BLTP3B: variants seen among roughly 807,000 people sequenced by gnomAD.
The protein encoded by BLTP3B is UHRF1 (ICBP90) binding protein 1-like.
the BLTP3B span, among the ~76,000 whole-genome samples, chr12:100,067,098 A>G: frequency 6.6e-6 from 1 of 152,192 alleles, no homozygotes; most frequent in Non-Finnish European, 1.5e-5. Flanking sequence ...TCACTGGGTC[A>G]AAAATGAAAT....
At chr12:100,134,616 C>CA in the BLTP3B span, among the ~76,000 whole-genome samples, 816 of 139,048 alleles carry the variant, frequency 5.9e-3, 5 homozygotes, top group Middle Eastern at 0.026. Flanking sequence ...GACTCTGTCT[C>CA]AAAAAAAAAA....
the BLTP3B span, chr12:100,051,239 T>G: frequency 4.4e-6 from 7 of 1,603,896 alleles, no homozygotes; most frequent in Non-Finnish European, 6.0e-6. Context: ...AACACAAAAG[T>G]AAATTAATAA....
chr12:100,056,464 T>C, the BLTP3B span, among the ~76,000 whole-genome samples: 64 of 152,146 alleles, frequency 4.2e-4, 2 homozygotes, highest in South Asian at 2.1e-4. Flanking sequence ...ACTTATTATA[T>C]ACTTGTTATA....
the BLTP3B span, among the ~76,000 whole-genome samples, chr12:100,109,384 A>C: frequency 6.6e-6 from 1 of 152,186 alleles, no homozygotes. Context: ...TATAGTATTC[A>C]ACAGCACAAC....
chr12:100,112,107 T>C, the BLTP3B span, among the ~76,000 whole-genome samples: 1 of 152,140 alleles, frequency 6.6e-6, no homozygotes, highest in Non-Finnish European at 1.5e-5. Context: ...GTACCACTTT[T>C]ATAAAGACAA....
At chr12:100,133,172 G>A in the BLTP3B span, among the ~76,000 whole-genome samples, 497 of 151,744 alleles carry the variant, frequency 3.3e-3, 2 homozygotes, top group African/African-American at 0.011. Flanking sequence ...AACCCGGGAG[G>A]CGGAGCTTGC....
chr12:100,071,641 T>A, the BLTP3B span, among the ~76,000 whole-genome samples: 4 of 151,976 alleles, frequency 2.6e-5, no homozygotes, highest in South Asian at 6.3e-4. Flanking sequence ...AAATGTACAA[T>A]CATTTTAACG....
At chr12:100,096,091 A>G in the BLTP3B span, among the ~76,000 whole-genome samples, 17 of 152,140 alleles carry the variant, frequency 1.1e-4, no homozygotes, top group African/African-American at 3.9e-4. Context: ...TGTCGCTACT[A>G]AAAATACAAA....
the BLTP3B span, among the ~76,000 whole-genome samples, chr12:100,067,877 A>G: frequency 6.6e-6 from 1 of 151,828 alleles, no homozygotes; most frequent in African/African-American, 2.4e-5. Flanking sequence ...ACACATCCCA[A>G]TGCTCATTGA....
chr12:100,052,897 G>A, the BLTP3B span, among the ~76,000 whole-genome samples: 1 of 149,488 alleles, frequency 6.7e-6, no homozygotes, highest in African/African-American at 2.5e-5. Flanking sequence ...GGGTTCAAGC[G>A]ATTCTCCTGC....
At chr12:100,064,966 C>T in the BLTP3B span, among the ~76,000 whole-genome samples, 53 of 150,152 alleles carry the variant, frequency 3.5e-4, no homozygotes, top group Non-Finnish European at 5.9e-5. Context: ...CGTCTCAATA[C>T]TAACATTGAA....
At chr12:100,047,622 C>G in the BLTP3B span, 1 of 1,610,046 alleles carries the variant, frequency 6.2e-7, no homozygotes, top group East Asian at 2.2e-5. Flanking sequence ...TACTGTACTA[C>G]TCCGGGGACT....
chr12:100,067,640 G>A, the BLTP3B span, among the ~76,000 whole-genome samples: 1 of 152,120 alleles, frequency 6.6e-6, no homozygotes, highest in Admixed American at 6.5e-5. Flanking sequence ...AAATCAGGAA[G>A]AATTAGATAG....
At chr12:100,124,974 A>ATATATATATTTATATT in the BLTP3B span, among the ~76,000 whole-genome samples, 1 of 100,430 alleles carries the variant, frequency 1.0e-5, no homozygotes, top group Non-Finnish European at 1.8e-5. Context: ...ATATATATAT[A>ATATATATATTTATATT]TATATTTATA....
the BLTP3B span, chr12:100,095,562 A>C: frequency 1.5e-6 from 2 of 1,327,106 alleles, no homozygotes; most frequent in Non-Finnish European, 2.1e-6. Context: ...TCTTGTACTC[A>C]AAACCTCACA....
At chr12:100,111,277 A>ATTTTT in the BLTP3B span, among the ~76,000 whole-genome samples, 11 of 94,760 alleles carry the variant, frequency 1.2e-4, no homozygotes, top group African/African-American at 2.9e-4. Context: ...GGGGTTTTAG[A>ATTTTT]TTTTTTTTTT....
At chr12:100,072,855 A>T in the BLTP3B span, 1 of 1,543,554 alleles carries the variant, frequency 6.5e-7, no homozygotes, top group Middle Eastern at 1.7e-4. Flanking sequence ...ACTGAATAAA[A>T]ACCTTTCCAA....
the BLTP3B span, among the ~76,000 whole-genome samples, chr12:100,141,952 G>A: frequency 6.6e-6 from 1 of 152,094 alleles, no homozygotes; most frequent in Non-Finnish European, 1.5e-5. Context: ...CAGTAATAAT[G>A]ATGTGGGTCT....
the BLTP3B span, among the ~76,000 whole-genome samples, chr12:100,071,992 G>A: frequency 1.1e-4 from 17 of 152,180 alleles, no homozygotes; most frequent in Admixed American, 3.9e-4. Flanking sequence ...TGGACATGGC[G>A]GCTCATGCCT....
Sources: allele counts gnomAD v4.1 joint callset (sites outside exome capture counted in the v4.1 genomes callset), GRCh38; gene constraint gnomAD v4.1.1; transcripts MANE v1.5; gene names NCBI Gene and HGNC (gene_info 2026-07-23, HGNC 2026-07-21).